The following PITPNC1 variants were observed in gnomAD, a reference collection of about 807,000 sequenced individuals.
The protein encoded by PITPNC1 is cytoplasmic phosphatidylinositol transfer protein 1.
A neutral mutation model predicts 44.7 loss-of-function variants in PITPNC1; 18 were observed. That is an observed-to-expected ratio of 0.40 (90% confidence interval 0.28 to 0.60). The LOEUF (loss-of-function observed/expected upper bound fraction) is 0.60. PITPNC1 is among the 20% of genes least tolerant of loss of function. PITPNC1 has a pLI of 0.39. For missense variants in PITPNC1, 290 were observed against 418.4 expected (o/e 0.69, Z 2.68); for synonymous variants, 141 against 149.6 (o/e 0.94, Z 0.42).
intron 5 of PITPNC1, among the ~76,000 whole-genome samples, chr17:67,623,981 A>G (rs1007521943): frequency 1.7e-4 from 26 of 152,230 alleles, no homozygotes; most frequent in African/African-American, 6.3e-4. Context: ...GATAAGACAC[A>G]TTCCATGCTT....
At chr17:67,661,470 G>A (rs988429407) in intron 6 of PITPNC1, among the ~76,000 whole-genome samples, 3 of 151,982 alleles carry the variant, frequency 2.0e-5, no homozygotes, top group Admixed American at 6.6e-5. Flanking sequence ...CTCACCCCCA[G>A]GCCCACTGTC....
At chr17:67,409,274 C>T (rs1213078885) in intron 1 of PITPNC1, among the ~76,000 whole-genome samples, 15 of 149,998 alleles carry the variant, frequency 1.0e-4, no homozygotes, top group Admixed American at 1.3e-4. Flanking sequence ...TTAGTAGAGA[C>T]GGGGTTTCAC....
chr17:67,388,480 C>T (rs916763386), intron 1 of PITPNC1, among the ~76,000 whole-genome samples: 1 of 151,936 alleles, frequency 6.6e-6, no homozygotes, highest in Admixed American at 6.6e-5. Context: ...CACCACCACG[C>T]CCGGCTAATT....
intron 5 of PITPNC1, among the ~76,000 whole-genome samples, chr17:67,614,480 T>C (rs912576394): frequency 9.9e-5 from 15 of 151,974 alleles, no homozygotes; most frequent in African/African-American, 3.6e-4. Context: ...GAGATCAGCC[T>C]GAGCAACATA....
At chr17:67,594,561 G>A (rs1282750272) in intron 5 of PITPNC1, among the ~76,000 whole-genome samples, 7 of 152,168 alleles carry the variant, frequency 4.6e-5, no homozygotes, top group Admixed American at 3.3e-4. Flanking sequence ...CTGCCTTGTG[G>A]CCTCCTGCTT....
intron 1 of PITPNC1, among the ~76,000 whole-genome samples, chr17:67,473,405 T>G (rs921380215): frequency 1.3e-5 from 2 of 151,766 alleles, no homozygotes; most frequent in African/African-American, 4.8e-5. Context: ...CTCGGCTCAC[T>G]GCAAGCTCCA....
chr17:67,409,071 C>CTTTTTTTTTTTTTTTTTTTTTT (rs1159310735), intron 1 of PITPNC1, among the ~76,000 whole-genome samples: 1 of 80,512 alleles, frequency 1.2e-5, no homozygotes, highest in Non-Finnish European at 2.2e-5. Flanking sequence ...CAAATTCATT[C>CTTTTTTTTTTTTTTTTTTTTTT]TTTTTTTTTT....
chr17:67,413,372 C>T (rs2038533367), intron 1 of PITPNC1, among the ~76,000 whole-genome samples: 1 of 116,930 alleles, frequency 8.6e-6, no homozygotes, highest in Non-Finnish European at 1.8e-5. Context: ...GCAATACTGT[C>T]AAGAAAAAGC....
At chr17:67,428,228 C>T (rs1193450022) in intron 1 of PITPNC1, among the ~76,000 whole-genome samples, 2 of 152,056 alleles carry the variant, frequency 1.3e-5, no homozygotes, top group Non-Finnish European at 2.9e-5. Flanking sequence ...CAGCTAGTGT[C>T]TCTGTAATAT....
intron 1 of PITPNC1, among the ~76,000 whole-genome samples, chr17:67,439,557 C>T (rs186759206): frequency 1.8e-4 from 27 of 152,270 alleles, no homozygotes; most frequent in Admixed American, 1.6e-3. Context: ...AAGATATGTT[C>T]TCCAGCCTTG....
chr17:67,669,998 G>A (rs373054020), intron 7 of PITPNC1, among the ~76,000 whole-genome samples: 3 of 151,870 alleles, frequency 2.0e-5, no homozygotes, highest in South Asian at 2.1e-4. Flanking sequence ...ACTTGAACCC[G>A]GGAGGCAGAG....
At chr17:67,407,026 C>T (rs1020602991) in intron 1 of PITPNC1, among the ~76,000 whole-genome samples, 4 of 152,154 alleles carry the variant, frequency 2.6e-5, no homozygotes, top group Non-Finnish European at 4.4e-5. Context: ...GGGATATATA[C>T]CTAGGGGTGG....
At chr17:67,633,196 A>ATATG (rs1427367981) in intron 6 of PITPNC1, among the ~76,000 whole-genome samples, 2 of 152,188 alleles carry the variant, frequency 1.3e-5, no homozygotes, top group African/African-American at 4.8e-5. Context: ...TTGGTTAGCG[A>ATATG]CATGCCACCA....
intron 4 of PITPNC1, among the ~76,000 whole-genome samples, chr17:67,559,200 A>G (rs2040876090): frequency 6.6e-6 from 1 of 152,182 alleles, no homozygotes; most frequent in Non-Finnish European, 1.5e-5. Flanking sequence ...GTCCCAGCCA[A>G]GGGGCAGTAC....
At position 67,425,203 on chromosome 17, in the gene PITPNC1, G is replaced by GCACGCACACACA. The variant is rs1555649746; in HGVS notation, c.48+47004_48+47005insGCACACACACAC. ...CCATGTTGTGCGCGCGCACGCACAC[G>GCACGCACACACA]CACACACACACACACACACACACAC... On this transcript the variant is annotated intron_variant, in intron 1 of 8. Coordinates refer to ENST00000581322, the MANE Select transcript of PITPNC1 (RefSeq NM_012417.4). 1.2e-3 allele frequency among the ~76,000 whole-genome samples: 115 copies of GCACGCACACACA among 98,812 alleles called. 4 individuals carry two copies. The highest frequency in any genetic ancestry group is 5.3e-3 in the Middle Eastern group (1 of 190). 64.8% of individuals were successfully genotyped at this position (98,812 alleles called of 152,430 possible). A position where few individuals can be genotyped will look rare whatever the true frequency, so the allele number is the denominator to read the frequency against.
At chr17:67,388,511 G>A (rs1464224057) in intron 1 of PITPNC1, among the ~76,000 whole-genome samples, 4 of 151,960 alleles carry the variant, frequency 2.6e-5, no homozygotes, top group African/African-American at 7.2e-5. Flanking sequence ...TAGTAGAGAC[G>A]AGGTTTCTCC....
intron 1 of PITPNC1, among the ~76,000 whole-genome samples, chr17:67,382,716 C>A (rs925462829): frequency 6.6e-6 from 1 of 152,150 alleles, no homozygotes; most frequent in East Asian, 1.9e-4. Context: ...CCTCCACCGC[C>A]CGGTTTCAAG....
chr17:67,577,167 C>T (rs1420542748), intron 4 of PITPNC1, among the ~76,000 whole-genome samples: 2 of 152,078 alleles, frequency 1.3e-5, no homozygotes, highest in Non-Finnish European at 1.5e-5. Flanking sequence ...ACACCTATAG[C>T]TGTAGTCCCA....
At chr17:67,423,402 C>T (rs770134148) in intron 1 of PITPNC1, among the ~76,000 whole-genome samples, 17 of 152,132 alleles carry the variant, frequency 1.1e-4, no homozygotes, top group Non-Finnish European at 2.2e-4. Flanking sequence ...TGGAGCACCC[C>T]GGTGACCCCA....
Sources: allele counts gnomAD v4.1 joint callset (sites outside exome capture counted in the v4.1 genomes callset), GRCh38; gene constraint gnomAD v4.1.1; transcripts MANE v1.5; gene names NCBI Gene and HGNC (gene_info 2026-07-23, HGNC 2026-07-21).